The following DNAJC25 variants were observed in gnomAD, a reference collection of about 807,000 sequenced individuals.
DNAJC25 encodes the protein dnaJ homolog subfamily C member 25.
In DNAJC25, 26 loss-of-function variants were observed where a neutral mutation model predicts 42.1. That is an observed-to-expected ratio of 0.62 (90% CI 0.45 to 0.86). DNAJC25 has a LOEUF of 0.86. Among genes scored for constraint, DNAJC25 ranks in the 40% least tolerant of loss-of-function variants. The probability of loss-of-function intolerance (pLI) is 0.00; values close to 1 mark genes in which losing one functional copy is unlikely to be tolerated. For missense variants in DNAJC25, 404 were observed against 459.4 expected (o/e 0.88, Z 1.10); for synonymous variants, 189 against 179.9 (o/e 1.05, Z -0.40).
rs146102350 is a variant in DNAJC25 at position 111,645,220 on chromosome 9, A to C, written c.337-1887A>C. 4.9e-4 allele frequency among the ~76,000 whole-genome samples: 74 copies of C among 152,212 alleles called. No individual in the cohort carries two copies. In the East Asian group the frequency reaches 0.013, roughly 27 times the overall value. On this transcript the variant is annotated intron_variant, in intron 1 of 3. Coordinates refer to ENST00000313525, the MANE Select transcript of DNAJC25 (RefSeq NM_001015882.3). ...ATTGTTTGAATGTAATGAATATGGG[A>C]GAACTTACTGAGAATGATCTCACAC...
intron 1 of DNAJC25, among the ~76,000 whole-genome samples, chr9:111,640,964 C>CT: frequency 9.8e-6 from 1 of 102,328 alleles, no homozygotes; most frequent in Non-Finnish European, 1.8e-5. Flanking sequence ...GGGGTCAGCC[C>CT]CCCGCCTGGC....
intron 1 of DNAJC25, among the ~76,000 whole-genome samples, chr9:111,644,999 A>T (rs1424789543): frequency 1.3e-5 from 2 of 152,226 alleles, no homozygotes; most frequent in Non-Finnish European, 2.9e-5. Flanking sequence ...GTTGAGGCAT[A>T]TAGCAGCTGC....
At chr9:111,646,128 T>TA in intron 1 of DNAJC25, among the ~76,000 whole-genome samples, 1 of 152,322 alleles carries the variant, frequency 6.6e-6, no homozygotes, top group Admixed American at 6.5e-5. Context: ...AGAGATTAAA[T>TA]AATTTGTTTT....
intron 2 of DNAJC25, 104 bp from the exon 3 acceptor site, chr9:111,649,348 TA>T (rs1434587289): frequency 1.4e-6 from 2 of 1,431,324 alleles, no homozygotes; most frequent in Non-Finnish European, 1.8e-6. Flanking sequence ...TTTTTAATTG[TA>T]ATGGTTTCTT....
At chr9:111,648,375 C>T (rs1002172500) in intron 2 of DNAJC25, among the ~76,000 whole-genome samples, 20 of 151,976 alleles carry the variant, frequency 1.3e-4, no homozygotes, top group African/African-American at 4.6e-4. Context: ...GATCCTCCCA[C>T]CTCAGCCTCC....
intron 1 of DNAJC25, among the ~76,000 whole-genome samples, chr9:111,644,527 C>G (rs141582679): frequency 6.6e-6 from 1 of 152,160 alleles, no homozygotes; most frequent in African/African-American, 2.4e-5. Context: ...CACATGATGT[C>G]CGCTTACCAG....
chr9:111,642,528 A>G (rs1369418720), intron 1 of DNAJC25, among the ~76,000 whole-genome samples: 4 of 145,610 alleles, frequency 2.7e-5, no homozygotes, highest in African/African-American at 5.1e-5. Flanking sequence ...TCACTTGTTT[A>G]TCTGCTGACC....
chr9:111,650,581 CTG>C (rs1218215199), intron 3 of DNAJC25, among the ~76,000 whole-genome samples: 1 of 152,188 alleles, frequency 6.6e-6, no homozygotes, highest in African/African-American at 2.4e-5. Context: ...CATAATGACA[CTG>C]TTTTAGATTC....
rs2131252212 is a variant in DNAJC25, at chr9:111,631,638, C to T, written c.231C>T (p.His77=). 1.3e-6 allele frequency: 2 copies of T among 1,514,424 alleles called. No homozygotes were observed. Among genetic ancestry groups the T allele is most frequent in the Middle Eastern group, 1.8e-4 (1 of 5,472 alleles). The allele number at this position is 1,514,424 out of a possible 1,614,324, so 93.8% of individuals were successfully genotyped here. A position where few individuals can be genotyped will look rare whatever the true frequency, so the allele number is the denominator to read the frequency against. Residue 77 remains histidine, a synonymous_variant, in exon 1 of 4, where the codon CAC becomes CAT. Coordinates refer to ENST00000313525, the MANE Select transcript of DNAJC25 (RefSeq NM_001015882.3). ...ACCGCCAGCTGGCCCGGCGCTACCACCCTGACCGCTACCGGCCCCAGCCCG... is the reference window on the plus strand; with the variant it reads ...ACCGCCAGCTGGCCCGGCGCTACCATCCTGACCGCTACCGGCCCCAGCCCG... ...RAYRQLARRY[H]PDRYRPQPGD...
In DNAJC25 at chr9:111,639,927, C is replaced by CGT. The variant is rs1564083814; in HGVS notation, c.337-7180_337-7179insGT. ...CCCTCTCCCTCTCCCTCTCCCTCTCCCTCTCCGTCTCCGTCTCCGTCTCCG... is the reference window on the plus strand; with the variant it reads ...CCCTCTCCCTCTCCCTCTCCCTCTCCGTCTCTCCGTCTCCGTCTCCGTCTCCG... On this transcript the variant is annotated intron_variant, in intron 1 of 3. Transcript: ENST00000313525. 2.7e-3 allele frequency among the ~76,000 whole-genome samples: 386 copies of CGT among 142,640 alleles called. 4 individuals carry two copies. Among genetic ancestry groups the CGT allele is most frequent in the African/African-American group, 9.2e-3 (350 of 37,952 alleles). 93.6% of individuals were successfully genotyped at this position (142,640 alleles called of 152,430 possible).
chr9:111,643,360 T>C (rs935959204), intron 1 of DNAJC25, among the ~76,000 whole-genome samples: 1 of 152,170 alleles, frequency 6.6e-6, no homozygotes, highest in Non-Finnish European at 1.5e-5. Flanking sequence ...CTACCTACTT[T>C]CCAGAACTTC....
intron 1 of DNAJC25, among the ~76,000 whole-genome samples, chr9:111,636,089 T>C (rs1294517322): frequency 6.6e-6 from 1 of 152,216 alleles, no homozygotes; most frequent in Non-Finnish European, 1.5e-5. Flanking sequence ...ATATAAGTTA[T>C]ATAATACAAG....
At chr9:111,641,654 C>T (rs1830470073) in intron 1 of DNAJC25, among the ~76,000 whole-genome samples, 2 of 141,500 alleles carry the variant, frequency 1.4e-5, no homozygotes, top group African/African-American at 5.4e-5. Context: ...CCCGGCCAGC[C>T]GCCCCGTCCG....
At chr9:111,641,308 G>A (rs1830457651) in intron 1 of DNAJC25, among the ~76,000 whole-genome samples, 1 of 125,900 alleles carries the variant, frequency 7.9e-6, no homozygotes, top group Admixed American at 8.1e-5. Context: ...ACTGGGAAGT[G>A]AGGAGCCCCT....
At position 111,652,735 on chromosome 9, in the gene DNAJC25, G is replaced by A. The variant is rs537266442; in HGVS notation, c.961-365G>A. Among the ~76,000 whole-genome samples the A allele has an allele frequency of 4.9e-4, 74 of 151,324 alleles. 1 individual carries two copies. The highest frequency in any genetic ancestry group is 1.6e-3 in the African/African-American group (68 of 41,302). On this transcript the variant is annotated intron_variant, in intron 3 of 3. Transcript: ENST00000313525. ...TTTTTCTATTTTTTTTAGGAGAGAC[G>A]GGGGTTTCACCATGTTGGCCAGGCT... is the stretch of plus-strand genomic sequence containing the variant.
chr9:111,649,454 T>G lies in DNAJC25; in HGVS notation c.491T>G (p.Phe164Cys), dbSNP rs769756835. The stretch of plus-strand genomic sequence containing the variant: ...ATTGTTCTCTGTTAATTATTCTAGT[T>G]TTTCAGCTGGTGGAATAGCTACAAT... ...VSVCAISVFQ[F>C]FSWWNSYNKA... The change falls in exon 3 of 4, where the codon TTT becomes TGT. Residue 164 changes from phenylalanine (F) to cysteine (C), a missense_variant and splice_region_variant. Phe to Cys is a radical substitution (Grantham distance 205, BLOSUM62 -2). Coordinates refer to ENST00000313525, the MANE Select transcript of DNAJC25 (RefSeq NM_001015882.3). 6.4e-7 allele frequency: 1 copy of G among 1,568,252 alleles called. No homozygotes were observed. The highest frequency in any genetic ancestry group is 1.4e-5 in the African/African-American group (1 of 72,306).
intron 1 of DNAJC25, among the ~76,000 whole-genome samples, chr9:111,638,087 C>G (rs1830390374): frequency 2.0e-5 from 3 of 152,294 alleles, no homozygotes; most frequent in African/African-American, 7.2e-5. Flanking sequence ...AGCACAGGTA[C>G]CCGCAATTAA....
At chr9:111,632,897 C>T (rs540084424) in intron 1 of DNAJC25, among the ~76,000 whole-genome samples, 8 of 152,046 alleles carry the variant, frequency 5.3e-5, no homozygotes, top group African/African-American at 1.2e-4. Flanking sequence ...GGTGGAGGGG[C>T]GGGCCCTGAA....
At position 111,644,661 on chromosome 9, in the gene DNAJC25, G is replaced by C. The variant is rs187444793; in HGVS notation, c.337-2446G>C. Among the ~76,000 whole-genome samples the C allele has an allele frequency of 1.2e-3, 190 of 152,278 alleles. 1 individual carries two copies. Among genetic ancestry groups the C allele is most frequent in the Non-Finnish European group, 2.4e-3 (165 of 68,028 alleles). ...GAGTCTGATCTCCGTGTGGCATTTC[G>C]TTTAAAAGCTACATGTAATCTAGTT... On this transcript the variant is annotated intron_variant, in intron 1 of 3. Coordinates refer to ENST00000313525, the MANE Select transcript of DNAJC25 (RefSeq NM_001015882.3).
Sources: gnomAD v4.1 joint callset for allele counts (sites outside exome capture counted in the v4.1 genomes callset) on GRCh38, gnomAD v4.1.1 for gene constraint, MANE v1.5 for transcripts, NCBI Gene and HGNC (gene_info 2026-07-23, HGNC 2026-07-21) for gene names.